PHF3: variants seen among roughly 807,000 people sequenced by gnomAD.
The protein encoded by PHF3 is PHD finger protein 3.
PHF3 carries 41 observed loss-of-function variants against 178.4 expected under a neutral mutation model. That is an observed-to-expected ratio of 0.23 (90% CI 0.18 to 0.30). The LOEUF (loss-of-function observed/expected upper bound fraction) is 0.30, where lower values mean the gene tolerates loss of function less well. Among genes scored for constraint, PHF3 ranks in the 10% least tolerant of loss-of-function variants. The pLI is 1.00. For synonymous variants in PHF3, 842 were observed against 800.5 expected (o/e 1.05, Z -0.88); for missense variants, 2,346 against 2,398.1 (o/e 0.98, Z 0.45).
chr6:63,677,485 TG>T (rs1187796608), intron 2 of PHF3, among the ~76,000 whole-genome samples: 2 of 152,124 alleles, frequency 1.3e-5, no homozygotes, highest in African/African-American at 4.8e-5. Flanking sequence ...TGCTAGGAAA[TG>T]GAATAATTTA....
At chr6:63,680,914 T>C (rs557292696) in intron 3 of PHF3, among the ~76,000 whole-genome samples, 5 of 152,218 alleles carry the variant, frequency 3.3e-5, no homozygotes, top group African/African-American at 9.6e-5. Context: ...GTCTGTGCTT[T>C]GTGCTTTTGT....
intron 3 of PHF3, among the ~76,000 whole-genome samples, chr6:63,681,331 C>T (rs1039812393): frequency 6.6e-6 from 1 of 151,928 alleles, no homozygotes; most frequent in African/African-American, 2.4e-5. Flanking sequence ...TCAGTAGATC[C>T]TGTTAGTCTG....
chr6:63,665,494 T>TG (rs1765645094), intron 2 of PHF3, among the ~76,000 whole-genome samples: 1 of 146,030 alleles, frequency 6.8e-6, no homozygotes, highest in Non-Finnish European at 1.5e-5. Flanking sequence ...TTGTTTTTTT[T>TG]TTTTTTTTTT....
At position 63,706,121 on chromosome 6, in the gene PHF3, A is replaced by G. The variant is rs1463486616; in HGVS notation, c.3460A>G (p.Ser1154Gly). Residue 1154 changes from serine (S) to glycine (G), a missense_variant, in exon 12 of 16, where the codon AGT (serine) becomes GGT (glycine). Around this residue, in one of 8 missense-constraint regions of PHF3, gnomAD observed 205 missense variants for 212.4 expected, o/e 0.97. Transcript: ENST00000262043. ...ARKHSDNEAE[S>G]IADALSSTSN... The stretch of plus-strand genomic sequence containing the variant: ...CAAACATTCAGACAATGAAGCAGAA[A>G]GTATAGCAGATGCATTATCTTCAAC... 6.2e-7 allele frequency: 1 copy of G among 1,613,988 alleles called. No individual in the cohort carries two copies. Among genetic ancestry groups the G allele is most frequent in the Non-Finnish European group, 8.5e-7 (1 of 1,179,902 alleles).
chr6:63,720,799 C>A lies in PHF3; in HGVS notation c.*7091C>A. 1.3e-6 allele frequency: 2 copies of A among 1,550,976 alleles called. No homozygotes were observed. Among genetic ancestry groups the A allele is most frequent in the Non-Finnish European group, 1.7e-6 (2 of 1,146,558 alleles). ...TAACAAATGCCATCATAGTTTAGAGCCACAAAGTTTTTATGTGGATCAATA... is the reference window on the plus strand; with the variant it reads ...TAACAAATGCCATCATAGTTTAGAGACACAAAGTTTTTATGTGGATCAATA... On this transcript the variant is annotated 3_prime_UTR_variant, in exon 16 of 16. Coordinates refer to ENST00000262043, the MANE Select transcript of PHF3 (RefSeq NM_001370348.2).
intron 1 of PHF3, among the ~76,000 whole-genome samples, chr6:63,641,720 C>T (rs969432103): frequency 6.6e-6 from 1 of 151,890 alleles, no homozygotes; most frequent in African/African-American, 2.4e-5. Flanking sequence ...TCACTGCAAC[C>T]TCTGCTTCCC....
At chr6:63,691,605 G>A (rs1767001138) in intron 4 of PHF3, 132 bp from the exon 5 acceptor site, 1 of 736,348 alleles carries the variant, frequency 1.4e-6, no homozygotes, top group African/African-American at 1.8e-5. Flanking sequence ...TTGAACTTAT[G>A]GAACGGATAG....
intron 2 of PHF3, chr6:63,679,113 TA>T: frequency 6.5e-6 from 1 of 153,724 alleles, no homozygotes; most frequent in Non-Finnish European, 1.4e-5. Flanking sequence ...TTTTTTTTTT[TA>T]AACGTTCTAG....
At chr6:63,694,177 G>C (rs1767131491) in intron 5 of PHF3, among the ~76,000 whole-genome samples, 4 of 152,208 alleles carry the variant, frequency 2.6e-5, no homozygotes, top group South Asian at 4.1e-4. Flanking sequence ...GTACTCTGAT[G>C]GTTTATTCTA....
At chr6:63,650,313 A>G (rs1764969873) in intron 2 of PHF3, among the ~76,000 whole-genome samples, 1 of 152,216 alleles carries the variant, frequency 6.6e-6, no homozygotes, top group Admixed American at 6.5e-5. Flanking sequence ...ACTTAATTAA[A>G]AAAAAATTCT....
chr6:63,683,432 A>G (rs1241072871), intron 3 of PHF3, among the ~76,000 whole-genome samples: 3 of 152,094 alleles, frequency 2.0e-5, no homozygotes, highest in African/African-American at 7.2e-5. Context: ...ATGGACTATT[A>G]GGAGCATTGT....
rs1768249147 is a variant in PHF3, at chr6:63,718,273, T to C, written c.*4565T>C. On this transcript the variant is annotated 3_prime_UTR_variant, in exon 16 of 16. Coordinates refer to ENST00000262043, the MANE Select transcript of PHF3 (RefSeq NM_001370348.2). ...GTGGAGATTACAGGTAGAAAAGTTA[T>C]AAAATCTGAACGTAAAATTGCAACT... Among the ~76,000 whole-genome samples the C allele has an allele frequency of 6.6e-6, 1 of 152,000 alleles. No homozygotes were observed.
In PHF3 at chr6:63,706,715, A is replaced by G. The variant is rs761951068; in HGVS notation, c.3564-14A>G. 1.1e-5 allele frequency: 18 copies of G among 1,611,028 alleles called. No homozygotes were observed. Among genetic ancestry groups the G allele is most frequent in the Non-Finnish European group, 1.4e-5 (17 of 1,178,612 alleles). On this transcript the variant is annotated splice_polypyrimidine_tract_variant and intron_variant, in intron 12 of 15. Coordinates refer to ENST00000262043, the MANE Select transcript of PHF3 (RefSeq NM_001370348.2). Reference sequence around the variant, plus strand: ...CATCAGCTTGTCTTTAGGCTTTTTAATGTCATTTTCTAGTCCAGAGATGCC... The same window carrying G: ...CATCAGCTTGTCTTTAGGCTTTTTAGTGTCATTTTCTAGTCCAGAGATGCC...
intron 2 of PHF3, among the ~76,000 whole-genome samples, chr6:63,663,573 C>G (rs1400383689): frequency 1.3e-5 from 2 of 152,174 alleles, no homozygotes; most frequent in African/African-American, 2.4e-5. Flanking sequence ...TTTTCCTAGT[C>G]TCTGTTGCCA....
intron 2 of PHF3, among the ~76,000 whole-genome samples, chr6:63,661,087 TA>T (rs138713981): frequency 0.012 from 1,774 of 152,198 alleles, 28 homozygotes; most frequent in African/African-American, 0.041. Flanking sequence ...GTGAGTAGGG[TA>T]AAAAATCCCA....
At chr6:63,641,777 C>A (rs1764588054) in intron 1 of PHF3, among the ~76,000 whole-genome samples, 1 of 151,888 alleles carries the variant, frequency 6.6e-6, no homozygotes, top group South Asian at 2.1e-4. Flanking sequence ...CAGGCATGCA[C>A]CACCACACTC....
At chr6:63,661,243 C>T (rs1046364974) in intron 2 of PHF3, among the ~76,000 whole-genome samples, 1 of 152,118 alleles carries the variant, frequency 6.6e-6, no homozygotes, top group Non-Finnish European at 1.5e-5. Context: ...GTATGTTATT[C>T]ATACCGGCAC....
chr6:63,703,810 G>A (rs1291249292), intron 11 of PHF3, 139 bp downstream of exon 11: 5 of 741,856 alleles, frequency 6.7e-6, no homozygotes, highest in African/African-American at 3.6e-5. Context: ...TTAAGCTTTC[G>A]TGTGACTGGT....
At position 63,675,853 on chromosome 6, in the gene PHF3, C is replaced by T. The variant is rs148080715; in HGVS notation, c.245-4147C>T. Among the ~76,000 whole-genome samples the T allele has an allele frequency of 1.4e-4, 21 of 152,266 alleles. No individual in the cohort carries two copies. In the East Asian group the frequency reaches 2.3e-3, roughly 17 times the overall value. ...CACTTTCCTCCATTAAACTTAAAAG[C>T]GACTACAATTATTGTCATTCTTCAT... On this transcript the variant is annotated intron_variant, in intron 2 of 15. Transcript: ENST00000262043.
Sources: gnomAD v4.1 joint callset for allele counts (sites outside exome capture counted in the v4.1 genomes callset) on GRCh38, gnomAD v4.1.1 for gene constraint, gnomAD v4.1.1 regional missense constraint, MANE v1.5 for transcripts, NCBI Gene and HGNC (gene_info 2026-07-23, HGNC 2026-07-21) for gene names.